The following SH3RF2 variants were observed in gnomAD, a reference collection of about 807,000 sequenced individuals.
The protein encoded by SH3RF2 is E3 ubiquitin-protein ligase SH3RF2.
A neutral mutation model predicts 59.0 loss-of-function variants in SH3RF2; 43 were observed. That is an observed-to-expected ratio of 0.73 (90% confidence interval 0.57 to 0.94). The LOEUF is 0.94. SH3RF2 is among the 40% of genes least tolerant of loss of function. The pLI is 0.00. For synonymous variants in SH3RF2, 391 were observed against 391.5 expected (o/e 1.00, Z 0.01); for missense variants, 930 against 940.1 (o/e 0.99, Z 0.14).
chr5:146,060,569 G>C (rs1762852112), intron 9 of SH3RF2, among the ~76,000 whole-genome samples: 2 of 152,018 alleles, frequency 1.3e-5, no homozygotes, highest in Non-Finnish European at 2.9e-5. Context: ...GGGTGACTTT[G>C]GTCAAAATAC....
chr5:146,056,256 G>C (rs775416671), intron 8 of SH3RF2, 43 bp downstream of exon 8: 28 of 1,612,900 alleles, frequency 1.7e-5, no homozygotes, highest in Non-Finnish European at 1.7e-6. Context: ...CTAAGTGATG[G>C]GGGGAATCTG....
rs1323508801 is a variant in SH3RF2 at position 146,062,408 on chromosome 5, C to T, written c.1915-18C>T. ...CTCCCACCTCACCTGTGTCCATTTC[C>T]TCTCCTTTCTCTTGCAGCAAGTCAA... On this transcript the variant is annotated intron_variant, in intron 9 of 9. Transcript: ENST00000359120. 1.9e-6 allele frequency: 3 copies of T among 1,610,644 alleles called. No individual in the cohort carries two copies. Among genetic ancestry groups the T allele is most frequent in the South Asian group, 1.1e-5 (1 of 90,736 alleles).
In SH3RF2 at chr5:145,997,268, T is replaced by G; in HGVS notation, c.379-2790T>G. The G allele has an allele frequency of 3.1e-6, 3 of 971,246 alleles. No homozygotes were observed. In the South Asian group the frequency reaches 3.8e-5, roughly 12 times the overall value. The allele number at this position is 971,246 out of a possible 1,614,324, so 60.2% of individuals were successfully genotyped here. ...CAAGTCTGATACATGCATCTGTAAA[T>G]GTACATGGAACCAAAGAAGAGGAAT... On this transcript the variant is annotated intron_variant, in intron 2 of 9. Transcript: ENST00000359120.
intron 2 of SH3RF2, among the ~76,000 whole-genome samples, chr5:145,971,093 C>T (rs1759061795): frequency 6.6e-6 from 1 of 152,168 alleles, no homozygotes; most frequent in South Asian, 2.1e-4. Context: ...ATCAGGGCTC[C>T]ACTTTACCCT....
At chr5:146,055,207 G>T (rs1318249244) in intron 7 of SH3RF2, among the ~76,000 whole-genome samples, 2 of 152,234 alleles carry the variant, frequency 1.3e-5, no homozygotes, top group Admixed American at 6.5e-5. Context: ...GCCACCAAAT[G>T]ATGAATGCTC....
intron 2 of SH3RF2, among the ~76,000 whole-genome samples, chr5:145,994,338 A>G (rs1262549961): frequency 1.3e-5 from 2 of 152,174 alleles, no homozygotes; most frequent in African/African-American, 4.8e-5. Flanking sequence ...CCTGTTACCC[A>G]GTTCCAAAGC....
chr5:145,955,111 A>G (rs1221687118), intron 2 of SH3RF2, among the ~76,000 whole-genome samples: 2 of 152,210 alleles, frequency 1.3e-5, no homozygotes, highest in East Asian at 1.9e-4. Context: ...GGGTGGGGAC[A>G]AATATACAAA....
At chr5:146,081,353 C>G (rs1042065862) in exon 10 of SH3RF2, 1 of 152,086 alleles carries the variant, frequency 6.6e-6, no homozygotes, top group Non-Finnish European at 1.5e-5. Context: ...TAAGCCCCCT[C>G]CCTTCAGGAC....
intron 9 of SH3RF2, among the ~76,000 whole-genome samples, chr5:146,073,177 G>A (rs1451218141): frequency 2.6e-5 from 4 of 152,190 alleles, no homozygotes. Flanking sequence ...CGGTGCCAGG[G>A]TTGGGGCAAT....
At chr5:146,045,899 C>A (rs1458819720) in intron 5 of SH3RF2, among the ~76,000 whole-genome samples, 2 of 152,152 alleles carry the variant, frequency 1.3e-5, no homozygotes, top group African/African-American at 4.8e-5. Flanking sequence ...TTAGGAATTG[C>A]CAGACTGTTC....
At chr5:145,957,436 G>T (rs1758458526) in intron 2 of SH3RF2, among the ~76,000 whole-genome samples, 1 of 152,140 alleles carries the variant, frequency 6.6e-6, no homozygotes, top group Non-Finnish European at 1.5e-5. Context: ...GAGTAAATTT[G>T]CAGTAGAACT....
chr5:146,013,450 G>A (rs1246299282), intron 4 of SH3RF2, among the ~76,000 whole-genome samples: 1 of 152,176 alleles, frequency 6.6e-6, no homozygotes, highest in Admixed American at 6.5e-5. Context: ...AATGGGTAAA[G>A]GAAGAATACT....
chr5:146,016,285 G>A (rs1269881572), intron 5 of SH3RF2, among the ~76,000 whole-genome samples: 1 of 152,022 alleles, frequency 6.6e-6, no homozygotes, highest in Non-Finnish European at 1.5e-5. Context: ...AAAACAAGAA[G>A]AGTAATATAA....
chr5:146,076,584 T>C (rs1367809439), intron 9 of SH3RF2, among the ~76,000 whole-genome samples: 4 of 152,262 alleles, frequency 2.6e-5, no homozygotes, highest in Admixed American at 1.3e-4. Context: ...TATCAAGGAA[T>C]GCCTGCTTCT....
At chr5:145,975,175 G>T (rs960470452) in intron 2 of SH3RF2, among the ~76,000 whole-genome samples, 5 of 152,292 alleles carry the variant, frequency 3.3e-5, no homozygotes, top group African/African-American at 1.2e-4. Context: ...GTTTTTCATG[G>T]CTCGTTTGCA....
chr5:146,000,037 T>G (rs767947893), intron 2 of SH3RF2, 21 bp from the exon 3 acceptor site: 1 of 1,610,232 alleles, frequency 6.2e-7, no homozygotes, highest in Non-Finnish European at 8.5e-7. Flanking sequence ...GTACATATCT[T>G]ATTGGTCTGT....
chr5:145,970,954 C>A (rs185793947), intron 2 of SH3RF2, among the ~76,000 whole-genome samples: 44 of 152,172 alleles, frequency 2.9e-4, no homozygotes, highest in African/African-American at 1.1e-3. Flanking sequence ...AGTAAAGCAA[C>A]CTCTTTATGA....
chr5:146,013,604 A>T, intron 4 of SH3RF2, 143 bp from the exon 5 acceptor site: 1 of 771,610 alleles, frequency 1.3e-6, no homozygotes, highest in Non-Finnish European at 2.1e-6. Flanking sequence ...GGAAGCTGTT[A>T]CTGTGCTCAC....
Position 146,047,824 on chromosome 5 carries a change from T to C in SH3RF2, c.1112T>C (p.Val371Ala). The part of the protein sequence containing the change: ...PVSPGHSTAV[V>A]SLPGSQQHLS... ...TCTCCAGGACATTCCACAGCCGTGGTCAGTCTGCCTGGCTCCCAGCAACAC... is the reference window on the plus strand; with the variant it reads ...TCTCCAGGACATTCCACAGCCGTGGCCAGTCTGCCTGGCTCCCAGCAACAC... Residue 371 changes from valine to alanine, a missense_variant, in exon 6 of 10, where the codon GTC becomes GCC. Coordinates refer to ENST00000359120, the MANE Select transcript of SH3RF2 (RefSeq NM_152550.4). 1 of 1,614,060 alleles carries C rather than the reference T, an allele frequency of 6.2e-7. No individual in the cohort carries two copies. Among genetic ancestry groups the C allele is most frequent in the Non-Finnish European group, 8.5e-7 (1 of 1,179,998 alleles).
Sources: gnomAD v4.1 joint callset for allele counts (sites outside exome capture counted in the v4.1 genomes callset) on GRCh38, gnomAD v4.1.1 for gene constraint, MANE v1.5 for transcripts, NCBI Gene and HGNC (gene_info 2026-07-23, HGNC 2026-07-21) for gene names.